Variants in USP14 observed in about 807,000 individuals in gnomAD.
The protein encoded by USP14 is ubiquitin carboxyl-terminal hydrolase 14.
Under a neutral mutation model 76.5 loss-of-function variants are expected in USP14, and 38 were observed. The ratio of observed to expected loss-of-function variants is 0.50; its 90% CI spans 0.38 to 0.65. The LOEUF (loss-of-function observed/expected upper bound fraction) is 0.65. Among genes scored for constraint, USP14 ranks in the 30% least tolerant of loss-of-function variants. The pLI, the probability that USP14 is intolerant of heterozygous loss-of-function variation, is 0.00. For missense variants in USP14, 467 were observed against 586.5 expected (o/e 0.80, Z 2.10); for synonymous variants, 192 against 191.7 (o/e 1.00, Z -0.01).
intron 10 of USP14, among the ~76,000 whole-genome samples, chr18:202,035 G>A (rs1910396876): frequency 6.6e-6 from 1 of 152,120 alleles, no homozygotes; most frequent in Non-Finnish European, 1.5e-5. Context: ...TAAAAAATCA[G>A]ACTTTAAAAT....
intron 15 of USP14, 132 bp from the exon 16 acceptor site, chr18:211,001 C>T (rs556857767): frequency 1.3e-5 from 11 of 866,498 alleles, no homozygotes; most frequent in South Asian, 5.5e-5. Context: ...GTCACTGGGT[C>T]GCACTTGGAG....
intron 10 of USP14, among the ~76,000 whole-genome samples, chr18:202,558 C>G (rs1012984669): frequency 2.0e-4 from 30 of 152,132 alleles, no homozygotes; most frequent in African/African-American, 7.2e-4. Context: ...ACAGGAATGA[C>G]AGCTTTGTTA....
intron 5 of USP14, among the ~76,000 whole-genome samples, chr18:191,898 A>G (rs1306643983): frequency 6.6e-6 from 1 of 152,302 alleles, no homozygotes; most frequent in South Asian, 2.1e-4. Flanking sequence ...TTTGATATTA[A>G]CTGAATGATA....
rs28665633 is a variant in USP14, at chr18:160,589, T to A, written c.16+1875T>A. The stretch of plus-strand genomic sequence containing the variant: ...TTTTGTACATATTGCTTTGTTTTAA[T>A]CTTCAACGTAATCCTGTGATACTGG... On this transcript the variant is annotated intron_variant, in intron 1 of 15. Coordinates refer to ENST00000261601, the MANE Select transcript of USP14 (RefSeq NM_005151.4). 7.3e-3 allele frequency among the ~76,000 whole-genome samples: 1,117 copies of A among 152,342 alleles called. 12 individuals are homozygous for A. The highest frequency in any genetic ancestry group is 0.025 in the African/African-American group (1,051 of 41,578).
At chr18:172,584 G>C (rs915788449) in intron 3 of USP14, among the ~76,000 whole-genome samples, 1 of 152,092 alleles carries the variant, frequency 6.6e-6, no homozygotes, top group Non-Finnish European at 1.5e-5. Context: ...AGGTTTCATT[G>C]TTGTCTCATT....
chr18:178,660 T>G (rs2144232602), intron 3 of USP14, among the ~76,000 whole-genome samples: 1 of 152,278 alleles, frequency 6.6e-6, no homozygotes, highest in Non-Finnish European at 1.5e-5. Flanking sequence ...AATGCAGTGA[T>G]TTTTAGTAGT....
At chr18:183,276 T>C (rs1909834516) in intron 5 of USP14, among the ~76,000 whole-genome samples, 1 of 151,976 alleles carries the variant, frequency 6.6e-6, no homozygotes, top group Admixed American at 6.5e-5. Flanking sequence ...CTGATATCAG[T>C]CTTGATTTTT....
rs764376343 is a variant in USP14, at chr18:210,355, C to T, written c.1226-31C>T. 3.4e-6 allele frequency: 5 copies of T among 1,484,664 alleles called. No homozygotes were observed. The South Asian group carries it at 6.1e-5, about 18-fold the overall frequency. The allele number at this position is 1,484,664 out of a possible 1,614,324, so 92.0% of individuals were successfully genotyped here. On this transcript the variant is annotated intron_variant, in intron 14 of 15. Transcript: ENST00000261601. The stretch of plus-strand genomic sequence containing the variant: ...GAGAAGGCACATGTCTATTCATTGT[C>T]TAATATTAATGGATTTACATCTTTC...
chr18:197,775 T>A, intron 8 of USP14, 79 bp downstream of exon 8: 2 of 1,121,102 alleles, frequency 1.8e-6, no homozygotes, highest in Non-Finnish European at 1.3e-6. Flanking sequence ...CTCAAAGGCT[T>A]AAAATAAGTT....
intron 5 of USP14, among the ~76,000 whole-genome samples, chr18:185,880 T>G (rs897728392): frequency 1.4e-5 from 2 of 140,972 alleles, no homozygotes; most frequent in Non-Finnish European, 3.2e-5. Flanking sequence ...TTTTTTTTTT[T>G]AAGTAGAGAC....
At chr18:198,019 G>C (rs1368591570) in intron 8 of USP14, 28 bp from the exon 9 acceptor site, 1 of 1,572,616 alleles carries the variant, frequency 6.4e-7, no homozygotes, top group Non-Finnish European at 8.7e-7. Context: ...TTTATATAAA[G>C]TTGGAATTTT....
intron 2 of USP14, among the ~76,000 whole-genome samples, chr18:164,733 C>T (rs1251444213): frequency 2.6e-5 from 4 of 152,066 alleles, no homozygotes; most frequent in Admixed American, 1.3e-4. Context: ...GGATTACAGG[C>T]GTGAGCCACT....
At chr18:184,785 A>G (rs1385984024) in intron 5 of USP14, among the ~76,000 whole-genome samples, 2 of 152,136 alleles carry the variant, frequency 1.3e-5, no homozygotes, top group Non-Finnish European at 2.9e-5. Flanking sequence ...AAAATAAAAT[A>G]AAAAGAGAGT....
chr18:180,978 CA>C (rs1402718574), intron 5 of USP14, among the ~76,000 whole-genome samples: 7 of 151,550 alleles, frequency 4.6e-5, no homozygotes, highest in African/African-American at 1.5e-4. Flanking sequence ...AATAGTATTT[CA>C]TGGTTCATTC....
rs1909705137 is a variant in USP14, at chr18:178,940, C to T, written c.203C>T (p.Thr68Ile). 1 of 1,609,072 alleles carries T rather than the reference C, an allele frequency of 6.2e-7. No homozygotes were observed. Among genetic ancestry groups the T allele is most frequent in the African/African-American group, 1.3e-5 (1 of 74,690 alleles). Residue 68 changes from threonine to isoleucine, a missense_variant, in exon 4 of 16, where the codon ACT becomes ATT. By Grantham distance (89) the Thr-to-Ile change is moderately conservative (BLOSUM62 -1). Coordinates refer to ENST00000261601, the MANE Select transcript of USP14 (RefSeq NM_005151.4). The part of the protein sequence containing the change: ...WGNIKIKNGM[T>I]LLMMGSADAL... ...TACTTTTTTTAAAAACAGGGAATGA[C>T]TCTACTAATGATGGGGTCAGCAGAT...
intron 1 of USP14, among the ~76,000 whole-genome samples, chr18:161,771 A>C (rs1224568083): frequency 1.3e-5 from 2 of 152,232 alleles, no homozygotes; most frequent in African/African-American, 4.8e-5. Context: ...AGAAGGTATA[A>C]AATTTTCAGT....
At chr18:159,827 T>G (rs1457849203) in intron 1 of USP14, among the ~76,000 whole-genome samples, 3 of 152,210 alleles carry the variant, frequency 2.0e-5, no homozygotes, top group African/African-American at 7.2e-5. Flanking sequence ...AATTTGAGCT[T>G]TATCTTAAAT....
chr18:212,875 A>G lies in USP14; in HGVS notation c.*1591A>G, dbSNP rs1910710134. ...CTCATATCTTTGTGTATGTTGTTTTAATGCTCGGCAGAGCACAACACTGAT... is the reference window on the plus strand; with the variant it reads ...CTCATATCTTTGTGTATGTTGTTTTGATGCTCGGCAGAGCACAACACTGAT... On this transcript the variant is annotated 3_prime_UTR_variant, in exon 16 of 16. Coordinates refer to ENST00000261601, the MANE Select transcript of USP14 (RefSeq NM_005151.4). The G allele has an allele frequency of 6.6e-6, 1 of 152,224 alleles. No individual in the cohort carries two copies. Among genetic ancestry groups the G allele is most frequent in the Non-Finnish European group, 1.5e-5 (1 of 68,026 alleles). 9.4% of individuals were successfully genotyped at this position (152,224 alleles called of 1,614,324 possible).
chr18:211,428 C>G lies in USP14; in HGVS notation c.*144C>G. 1 of 779,836 alleles carries G rather than the reference C, an allele frequency of 1.3e-6. No individual in the cohort carries two copies. 48.3% of individuals were successfully genotyped at this position (779,836 alleles called of 1,614,324 possible). ...CAAAAGAGGACAGAAGCAGACCACT[C>G]TGTGCACCAACCTAAAAAATTACAG... On this transcript the variant is annotated 3_prime_UTR_variant, in exon 16 of 16. Transcript: ENST00000261601.
Sources: allele counts gnomAD v4.1 joint callset (sites outside exome capture counted in the v4.1 genomes callset), GRCh38; gene constraint gnomAD v4.1.1; transcripts MANE v1.5; gene names NCBI Gene and HGNC (gene_info 2026-07-23, HGNC 2026-07-21).